The following CARS2 variants were observed in gnomAD, a reference collection of about 807,000 sequenced individuals.
The protein encoded by CARS2 is cysteinyl-tRNA synthetase 2, mitochondrial.
In CARS2, 52 loss-of-function variants were observed where a neutral mutation model predicts 68.8. The observed-to-expected ratio is 0.76, with a 90% CI of 0.61 to 0.95. The LOEUF (loss-of-function observed/expected upper bound fraction) is 0.95. Ranked by LOEUF, CARS2 falls within the 40% of genes least tolerant of loss-of-function variation. The pLI is 0.00. For missense variants in CARS2, 780 were observed against 754.2 expected (o/e 1.03, Z -0.40); for synonymous variants, 314 against 303.6 (o/e 1.03, Z -0.36).
chr13:110,683,071 G>C lies in CARS2; in HGVS notation c.635C>G (p.Pro212Arg), dbSNP rs1428027852. The C allele has an allele frequency of 6.2e-7, 1 of 1,602,634 alleles. No homozygotes were observed. The highest frequency in any genetic ancestry group is 1.1e-5 in the South Asian group (1 of 89,450). Residue 212 changes from proline to arginine, a missense_variant, in exon 6 of 15, where the codon CCT (proline) becomes CGT (arginine). Pro to Arg is a moderately radical substitution (Grantham distance 103, BLOSUM62 -2). Coordinates refer to ENST00000257347, the MANE Select transcript of CARS2 (RefSeq NM_024537.4). Reference protein sequence around the residue: ...DKYGKLVGVVPGPVGEPADSD... With the variant: ...DKYGKLVGVVRGPVGEPADSD... ...CCCACCTGGCTCTCCGACTGGACCA[G>C]GGACCACGCCGACCAATTTGCCATA...
At chr13:110,678,479 A>T (rs1372037198) in intron 6 of CARS2, among the ~76,000 whole-genome samples, 1 of 152,192 alleles carries the variant, frequency 6.6e-6, no homozygotes, top group Admixed American at 6.5e-5. Context: ...GATGAATTTA[A>T]AGAGTGCAGA....
chr13:110,656,972 GTATACT>G (rs1271408817), intron 9 of CARS2, among the ~76,000 whole-genome samples: 1 of 151,802 alleles, frequency 6.6e-6, no homozygotes, highest in Non-Finnish European at 1.5e-5. Flanking sequence ...CATTTAAATA[GTATACT>G]TATATAGTAT....
rs2063205386 is a variant in CARS2 at position 110,683,152 on chromosome 13, T to C, written c.572-18A>G. The C allele has an allele frequency of 6.6e-7, 1 of 1,516,270 alleles. No homozygotes were observed. The highest frequency in any genetic ancestry group is 2.1e-5 in the Admixed American group (1 of 48,518). The allele number at this position is 1,516,270 out of a possible 1,614,324, so 93.9% of individuals were successfully genotyped here. A position where few individuals can be genotyped will look rare whatever the true frequency, so the allele number is the denominator to read the frequency against. On this transcript the variant is annotated intron_variant, in intron 5 of 14. Coordinates refer to ENST00000257347, the MANE Select transcript of CARS2 (RefSeq NM_024537.4). The stretch of plus-strand genomic sequence containing the variant: ...GACATTGCCTGTTTATAAAGACAAT[T>C]ATGAATTCATCACTTCTCAGTCTGA...
Position 110,683,064 on chromosome 13 carries a change from T to C in CARS2, c.642A>G (p.Pro214=). 2 of 1,601,512 alleles carry C rather than the reference T, an allele frequency of 1.2e-6. No homozygotes were observed. The highest frequency in any genetic ancestry group is 2.3e-5 in the East Asian group (1 of 43,706). Residue 214 remains proline, a synonymous_variant, in exon 6 of 15, where the codon CCA becomes CCG. Coordinates refer to ENST00000257347, the MANE Select transcript of CARS2 (RefSeq NM_024537.4). ...YGKLVGVVPG[P]VGEPADSDKR... is the part of the protein sequence containing the mutation. ...CGGCCAACCCACCTGGCTCTCCGAC[T>C]GGACCAGGGACCACGCCGACCAATT... is the stretch of plus-strand genomic sequence containing the variant.
chr13:110,679,618 AGAGAGAGG>A (rs2063093609), intron 6 of CARS2, among the ~76,000 whole-genome samples: 7 of 123,290 alleles, frequency 5.7e-5, no homozygotes, highest in Admixed American at 2.7e-4. Context: ...AGAGAGAGAG[AGAGAGAGG>A]GAGGGAGGGA....
rs920113571 is a variant in CARS2 at position 110,693,485 on chromosome 13, G to A, written c.394-5467C>T. Among the ~76,000 whole-genome samples the A allele has an allele frequency of 4.6e-5, 7 of 152,052 alleles. No individual in the cohort carries two copies. In the East Asian group the frequency reaches 5.8e-4, roughly 13 times the overall value. On this transcript the variant is annotated intron_variant, in intron 3 of 14. Coordinates refer to ENST00000257347, the MANE Select transcript of CARS2 (RefSeq NM_024537.4). ...CGCCATTCTCCTGCCTCAGCCTCCC[G>A]AGTAGCTGGGACTACAGGTGCCCGC...
intron 9 of CARS2, among the ~76,000 whole-genome samples, chr13:110,661,312 T>C (rs528193319): frequency 2.0e-5 from 3 of 152,330 alleles, no homozygotes; most frequent in African/African-American, 4.8e-5. Flanking sequence ...TTTAGCTAGG[T>C]CTTCTTTCCT....
At chr13:110,651,137 C>A in intron 9 of CARS2, 37 bp from the exon 10 acceptor site, 2 of 1,451,714 alleles carry the variant, frequency 1.4e-6, no homozygotes, top group Non-Finnish European at 1.9e-6. Flanking sequence ...CGAGGCTTTG[C>A]TTTTACGCTT....
rs140856291 is a variant in CARS2, at chr13:110,697,506, G to A, written c.393+3932C>T. ...GGCCCAGGCTGGAGTGCAGTGGCACGATCTCAGCTCACTGCAACCTCCACC... is the reference window on the plus strand; with the variant it reads ...GGCCCAGGCTGGAGTGCAGTGGCACAATCTCAGCTCACTGCAACCTCCACC... On this transcript the variant is annotated intron_variant, in intron 3 of 14. Coordinates refer to ENST00000257347, the MANE Select transcript of CARS2 (RefSeq NM_024537.4). Among the ~76,000 whole-genome samples the A allele has an allele frequency of 1.6e-4, 25 of 152,288 alleles. 1 individual carries two copies. Among genetic ancestry groups the A allele is most frequent in the Admixed American group, 7.2e-4 (11 of 15,302 alleles).
At chr13:110,703,484 A>G (rs1486954498) in intron 2 of CARS2, among the ~76,000 whole-genome samples, 1 of 152,158 alleles carries the variant, frequency 6.6e-6, no homozygotes, top group Non-Finnish European at 1.5e-5. Flanking sequence ...AGCTTATAAC[A>G]TGCATTCAGC....
At chr13:110,677,457 C>G (rs2062992402) in intron 6 of CARS2, among the ~76,000 whole-genome samples, 1 of 148,108 alleles carries the variant, frequency 6.8e-6, no homozygotes, top group East Asian at 2.0e-4. Context: ...ATCACCCCAC[C>G]ACGGACACGC....
At chr13:110,644,887 C>T (rs958917058) in intron 12 of CARS2, 22 of 174,816 alleles carry the variant, frequency 1.3e-4, no homozygotes, top group Non-Finnish European at 2.4e-4. Flanking sequence ...GTGACACTAG[C>T]CTTAGTTTGC....
intron 3 of CARS2, among the ~76,000 whole-genome samples, chr13:110,698,335 C>A (rs1026807934): frequency 6.6e-6 from 1 of 151,756 alleles, no homozygotes; most frequent in Non-Finnish European, 1.5e-5. Context: ...GCCTGGCCAA[C>A]GTGGTGAAAC....
At chr13:110,710,734 G>A (rs1413994434), upstream of CARS2, among the ~76,000 whole-genome samples, 1 of 152,078 alleles carries the variant, frequency 6.6e-6, no homozygotes, top group Non-Finnish European at 1.5e-5. Context: ...CCAAGGGGTG[G>A]GCTAAAAGTT....
intron 3 of CARS2, among the ~76,000 whole-genome samples, chr13:110,697,581 T>C (rs2063659221): frequency 6.6e-6 from 1 of 152,244 alleles, no homozygotes; most frequent in Admixed American, 6.5e-5. Flanking sequence ...TAGCTGGGAT[T>C]ACAGGTGCAC....
intron 14 of CARS2, among the ~76,000 whole-genome samples, chr13:110,641,915 G>C (rs749349235): frequency 6.6e-6 from 1 of 152,236 alleles, no homozygotes; most frequent in Non-Finnish European, 1.5e-5. Context: ...CTACTCAGAA[G>C]CATGGGCAGG....
rs921875461 is a variant in CARS2, at chr13:110,676,275, G to C, written c.785+699C>G. On this transcript the variant is annotated intron_variant, in intron 7 of 14. Transcript: ENST00000257347. This position sits in a 1 kb window ranked among gnomAD's most constrained non-coding sequence, Gnocchi z 4.0. ...CCACCCAAGGTGCCCCTGGCTGTGG[G>C]CAGAGCCACAGGGTGTGGACACCTC... Among the ~76,000 whole-genome samples the C allele has an allele frequency of 6.6e-6, 1 of 152,240 alleles. No individual in the cohort carries two copies. The highest frequency in any genetic ancestry group is 6.5e-5 in the Admixed American group (1 of 15,290).
intron 11 of CARS2, 92 bp downstream of exon 11, chr13:110,647,009 C>G: frequency 7.0e-7 from 1 of 1,427,396 alleles, no homozygotes; most frequent in Non-Finnish European, 9.3e-7. Context: ...GCCCTGTCTC[C>G]TGGGGGCCCC....
chr13:110,713,471 C>A (rs959537143), exon 1 of CARS2: 119 of 989,524 alleles, frequency 1.2e-4, no homozygotes, highest in East Asian at 3.4e-4. Context: ...GCCGTCCACA[C>A]CCCAGCGGCC....
Sources: gnomAD v4.1 joint callset for allele counts (sites outside exome capture counted in the v4.1 genomes callset) on GRCh38, gnomAD v4.1.1 for gene constraint, Gnocchi (gnomAD v3.1) non-coding constraint, MANE v1.5 for transcripts, NCBI Gene and HGNC (gene_info 2026-07-23, HGNC 2026-07-21) for gene names.